The following WNK1 variants were observed in gnomAD, a reference collection of about 807,000 sequenced individuals.
WNK1 encodes serine/threonine-protein kinase WNK1.
A neutral mutation model predicts 222.8 loss-of-function variants in WNK1; 38 were observed. The observed-to-expected ratio is 0.17, with a 90% CI of 0.13 to 0.22. The LOEUF (loss-of-function observed/expected upper bound fraction) is 0.22, where lower values mean the gene tolerates loss of function less well. WNK1 is among the 10% of genes least tolerant of loss of function. The pLI, the probability that WNK1 is intolerant of heterozygous loss-of-function variation, is 1.00. For synonymous variants in WNK1, 1,090 were observed against 1,092.9 expected, an observed-to-expected ratio of 1.00 and a Z score of 0.05; for missense variants, 2,348 against 2,918.4, an observed-to-expected ratio of 0.80 and a Z score of 4.50.
intron 5 of WNK1, 49 bp downstream of exon 5, chr12:857,298 G>C (rs1298577868): frequency 6.6e-7 from 1 of 1,516,008 alleles, no homozygotes; most frequent in Non-Finnish European, 9.2e-7. Flanking sequence ...AACCTAAAAA[G>C]TAATGTGCTT....
At chr12:817,889 T>C (rs1591834327) in intron 2 of WNK1, among the ~76,000 whole-genome samples, 2 of 151,954 alleles carry the variant, frequency 1.3e-5, no homozygotes, top group African/African-American at 4.8e-5. Flanking sequence ...GAAGTGGAGG[T>C]TGCAGTGAGC....
chr12:779,512 C>T (rs1463412037), intron 1 of WNK1, among the ~76,000 whole-genome samples: 1 of 150,466 alleles, frequency 6.6e-6, no homozygotes, highest in African/African-American at 2.4e-5. Flanking sequence ...TCAAGTGATT[C>T]TCCTGTCTCA....
At chr12:764,157 G>A (rs1289510352) in intron 1 of WNK1, among the ~76,000 whole-genome samples, 1 of 147,478 alleles carries the variant, frequency 6.8e-6, no homozygotes, top group Non-Finnish European at 1.5e-5. Context: ...AGAAAAATTA[G>A]AGAGAGGGAG....
intron 25 of WNK1, 86 bp downstream of exon 25, chr12:897,767 G>GT: frequency 7.0e-7 from 1 of 1,421,446 alleles, no homozygotes; most frequent in Non-Finnish European, 9.7e-7. Flanking sequence ...AACATTTGTT[G>GT]TTTTTGTTAA....
At chr12:875,116 A>T (rs1453223584) in intron 9 of WNK1, among the ~76,000 whole-genome samples, 1 of 152,228 alleles carries the variant, frequency 6.6e-6, no homozygotes, top group African/African-American at 2.4e-5. Flanking sequence ...AGTTTGGTTT[A>T]ACTAGAGCAT....
In WNK1 at chr12:908,461, G is replaced by T; in HGVS notation, c.6832-14G>T. On this transcript the variant is annotated splice_polypyrimidine_tract_variant and intron_variant, in intron 27 of 27. Coordinates refer to ENST00000315939, the MANE Select transcript of WNK1 (RefSeq NM_018979.4). ...GCCCACACCAGACTTGACACGTGGT[G>T]GTTTTGTTTTCAGGGCCCTGGAATG... 6.2e-7 allele frequency: 1 copy of T among 1,614,132 alleles called. No individual in the cohort carries two copies. Among genetic ancestry groups the T allele is most frequent in the Admixed American group, 1.7e-5 (1 of 60,022 alleles).
chr12:895,498 A>C (rs1423184448), intron 23 of WNK1, among the ~76,000 whole-genome samples: 1 of 151,956 alleles, frequency 6.6e-6, no homozygotes, highest in African/African-American at 2.4e-5. Context: ...TCACTCTGTC[A>C]CCCAGGCTGG....
At chr12:867,689 A>T in intron 8 of WNK1, 2 of 702,904 alleles carry the variant, frequency 2.8e-6, no homozygotes, top group Non-Finnish European at 4.8e-6. Context: ...TTGGCCCTGG[A>T]TGTATTTAAT....
At chr12:762,751 T>C (rs1408724716) in intron 1 of WNK1, among the ~76,000 whole-genome samples, 2 of 147,418 alleles carry the variant, frequency 1.4e-5, no homozygotes, top group African/African-American at 4.9e-5. Flanking sequence ...TCTCCTGCTT[T>C]TCATTTTTTT....
At chr12:905,940 A>C (rs1348223401) in intron 26 of WNK1, among the ~76,000 whole-genome samples, 1 of 151,980 alleles carries the variant, frequency 6.6e-6, no homozygotes, top group African/African-American at 2.4e-5. Context: ...GACCTTCCTC[A>C]CTGCAGCTTC....
chr12:837,421 A>G (rs1041298271), intron 4 of WNK1, among the ~76,000 whole-genome samples: 1 of 152,036 alleles, frequency 6.6e-6, no homozygotes, highest in Non-Finnish European at 1.5e-5. Context: ...TAAAAATACA[A>G]AAATTAGCCA....
intron 1 of WNK1, among the ~76,000 whole-genome samples, chr12:774,582 A>G (rs540634912): frequency 6.6e-6 from 1 of 152,222 alleles, no homozygotes; most frequent in African/African-American, 2.4e-5. Flanking sequence ...CTATTTTCTT[A>G]GGATTAAATT....
At chr12:905,171 A>G (rs926807742) in intron 26 of WNK1, among the ~76,000 whole-genome samples, 1 of 152,238 alleles carries the variant, frequency 6.6e-6, no homozygotes, top group Non-Finnish European at 1.5e-5. Context: ...TTTCAGAAGA[A>G]CTAAAAAAGG....
intron 4 of WNK1, 32 bp from the exon 5 acceptor site, chr12:857,129 T>A (rs1284034508): frequency 1.9e-6 from 3 of 1,605,276 alleles, no homozygotes; most frequent in Non-Finnish European, 2.6e-6. Flanking sequence ...AGGCCCTGCT[T>A]TTATTAATGT....
chr12:888,769 G>GA (rs1953920333), intron 20 of WNK1, among the ~76,000 whole-genome samples: 1 of 152,124 alleles, frequency 6.6e-6, no homozygotes, highest in Admixed American at 6.5e-5. Flanking sequence ...AGAAAAGAGG[G>GA]AACATGAGAT....
chr12:841,209 C>T (rs1255890915), intron 4 of WNK1, among the ~76,000 whole-genome samples: 2 of 152,144 alleles, frequency 1.3e-5, no homozygotes, highest in Non-Finnish European at 2.9e-5. Flanking sequence ...AATTCCAGAA[C>T]CTTCCCATCA....
Position 897,676 on chromosome 12 carries a change from T to C in WNK1, c.6443T>C (p.Leu2148Pro). 1 of 1,614,168 alleles carries C rather than the reference T, an allele frequency of 6.2e-7. No homozygotes were observed. Among genetic ancestry groups the C allele is most frequent in the South Asian group, 1.1e-5 (1 of 91,078 alleles). The change falls in exon 25 of 28, where the codon CTT becomes CCT. Residue 2148 changes from leucine (L) to proline (P), a missense_variant. Physicochemically the swap from Leu to Pro is moderately conservative, Grantham distance 98. This residue lies in a region of WNK1 where 1,144 missense variants were observed against 1,273.6 expected (regional missense o/e 0.90). Coordinates refer to ENST00000315939, the MANE Select transcript of WNK1 (RefSeq NM_018979.4). ...TCCTTGGGGAATAAAAGCCCCCAGC[T>C]TTCAGGTAAAAAGCCCTGGACTAGG... ...SSSLGNKSPQ[L>P]SGNLSGQSAA...
chr12:887,805 G>T (rs573732240), intron 20 of WNK1, among the ~76,000 whole-genome samples: 14 of 152,160 alleles, frequency 9.2e-5, no homozygotes, highest in African/African-American at 3.1e-4. Flanking sequence ...TAGGTATAGG[G>T]GTGATGTTTC....
At chr12:811,757 G>C (rs1467093071) in intron 1 of WNK1, among the ~76,000 whole-genome samples, 1 of 151,662 alleles carries the variant, frequency 6.6e-6, no homozygotes, top group Non-Finnish European at 1.5e-5. Flanking sequence ...ACAAACTATT[G>C]AAAGAAGCCC....
Sources: gnomAD v4.1 joint callset for allele counts (sites outside exome capture counted in the v4.1 genomes callset) on GRCh38, gnomAD v4.1.1 for gene constraint, gnomAD v4.1.1 regional missense constraint, MANE v1.5 for transcripts, NCBI Gene and HGNC (gene_info 2026-07-23, HGNC 2026-07-21) for gene names.